The following DMD variants were observed in gnomAD, a reference collection of about 807,000 sequenced individuals.
DMD encodes mutant dystrophin.
A neutral mutation model predicts 330.1 loss-of-function variants in DMD; 63 were observed. That is an observed-to-expected ratio of 0.19 (90% CI 0.16 to 0.24). The LOEUF is 0.24. Ranked by LOEUF, DMD falls within the 10% of genes least tolerant of loss-of-function variation. The probability of loss-of-function intolerance (pLI) is 1.00; values close to 1 mark genes in which losing one functional copy is unlikely to be tolerated. For missense variants in DMD, 3,344 were observed against 2,684.1 expected (o/e 1.25, Z -5.43); for synonymous variants, 1,223 against 959.8 (o/e 1.27, Z -5.07).
chrX:33,320,091 TCAGA>T (rs1352425729), intron 1 of DMD, among the ~76,000 whole-genome samples: 4 of 111,117 alleles, frequency 3.6e-5, no homozygotes, highest in Non-Finnish European at 5.7e-5. Context: ...ATAAAAGCAG[TCAGA>T]CAGGGCAATA....
intron 43 of DMD, among the ~76,000 whole-genome samples, chrX:32,269,539 G>A (rs1370541573): frequency 1.8e-5 from 2 of 111,324 alleles, no homozygotes; most frequent in Non-Finnish European, 3.8e-5. Context: ...TAAGGTTGCT[G>A]AAGACCCGTA....
chrX:33,215,663 A>AT (rs1435360989), upstream of DMD, among the ~76,000 whole-genome samples: 1 of 111,884 alleles, frequency 8.9e-6, no homozygotes, highest in Non-Finnish European at 1.9e-5. Flanking sequence ...GAGGTCTTAT[A>AT]TTTAAACCTT....
At chrX:31,368,349 G>A (rs761652728) in intron 60 of DMD, among the ~76,000 whole-genome samples, 23 of 111,837 alleles carry the variant, frequency 2.1e-4, no homozygotes, top group Admixed American at 1.4e-3. Context: ...TCTTTCCGAC[G>A]TTGTGTGAAG....
chrX:32,261,993 G>C (rs1270447523), intron 43 of DMD, among the ~76,000 whole-genome samples: 4 of 111,435 alleles, frequency 3.6e-5, no homozygotes, highest in Non-Finnish European at 7.6e-5. Flanking sequence ...AAATATTTTT[G>C]GGTAATTAGT....
chrX:32,539,959 TC>T (rs2048344155), intron 17 of DMD, among the ~76,000 whole-genome samples: 1 of 111,900 alleles, frequency 8.9e-6, no homozygotes, highest in African/African-American at 3.2e-5. Flanking sequence ...CTCTACATTA[TC>T]CTTGAGGACA....
intron 44 of DMD, among the ~76,000 whole-genome samples, chrX:32,200,571 C>G (rs780626523): frequency 1.8e-5 from 2 of 110,646 alleles, no homozygotes; most frequent in Non-Finnish European, 3.8e-5. Flanking sequence ...CATGTAACAT[C>G]AGTTACATAT....
chrX:32,872,528 C>G (rs1206804860), intron 2 of DMD, among the ~76,000 whole-genome samples: 3 of 111,834 alleles, frequency 2.7e-5, no homozygotes. Flanking sequence ...AGAAGATGAA[C>G]AACAAATAAG....
chrX:32,823,218 G>A, intron 5 of DMD, 77 bp downstream of exon 5: 1 of 831,606 alleles, frequency 1.2e-6, no homozygotes, highest in South Asian at 2.1e-5. Context: ...ATACACATTT[G>A]TTTCACACGT....
intron 47 of DMD, among the ~76,000 whole-genome samples, chrX:31,920,523 C>T (rs1231912091): frequency 1.8e-5 from 2 of 111,935 alleles, no homozygotes; most frequent in Admixed American, 1.9e-4. Context: ...ATTGCAGAAA[C>T]AAAAGGAAAG....
chrX:31,438,534 G>C (rs138409455), intron 60 of DMD, among the ~76,000 whole-genome samples: 3,480 of 111,683 alleles, frequency 0.031, 87 homozygotes, highest in African/African-American at 0.068. Flanking sequence ...TATTTATTTG[G>C]AGAATGGCCT....
intron 44 of DMD, among the ~76,000 whole-genome samples, chrX:32,213,943 TG>T (rs769539027): frequency 8.2e-5 from 9 of 109,793 alleles, no homozygotes; most frequent in Middle Eastern, 4.7e-3. Flanking sequence ...CACTCCAGCC[TG>T]GGTGACAAAA....
chrX:32,233,354 C>T lies in DMD; in HGVS notation c.6291-16291G>A, dbSNP rs185628210. Among the ~76,000 whole-genome samples, 67 of 110,779 alleles carry T rather than the reference C, an allele frequency of 6.0e-4. No homozygotes were observed. The Middle Eastern group carries it at 0.014, about 23-fold the overall frequency. On this transcript the variant is annotated intron_variant, in intron 43 of 78. Transcript: ENST00000357033. ...TTACTGGGGTGGGGAGCATATTTTT[C>T]AACCAGTGGCATGGAAGGAATGGCC...
intron 11 of DMD, among the ~76,000 whole-genome samples, chrX:32,635,208 G>A (rs1313112575): frequency 9.0e-6 from 1 of 111,611 alleles, no homozygotes; most frequent in African/African-American, 3.3e-5. Context: ...CCATGTGACT[G>A]CTGCCATGGA....
chrX:33,045,088 G>A (rs896480795), intron 1 of DMD, among the ~76,000 whole-genome samples: 2 of 110,500 alleles, frequency 1.8e-5, no homozygotes, highest in Non-Finnish European at 3.8e-5. Flanking sequence ...TTTTTACAAG[G>A]GAATGTGAGG....
intron 60 of DMD, among the ~76,000 whole-genome samples, chrX:31,378,637 G>A (rs1417299892): frequency 1.8e-5 from 2 of 109,215 alleles, no homozygotes; most frequent in Non-Finnish European, 3.8e-5. Context: ...CGCTTTTCTC[G>A]GGGGCAAGAA....
chrX:33,132,979 C>T (rs982042317), intron 1 of DMD, among the ~76,000 whole-genome samples: 5 of 111,812 alleles, frequency 4.5e-5, no homozygotes, highest in Middle Eastern at 8.3e-3. Context: ...ACTCACATTT[C>T]CCAAGGCTTT....
Position 32,483,146 on chromosome X carries a change from C to CATATATAT in DMD, c.2803+1765_2803+1772dup, listed in dbSNP as rs201134649. Among the ~76,000 whole-genome samples the CATATATAT allele has an allele frequency of 5.4e-3, 213 of 39,285 alleles. 14 individuals carry two copies. The highest frequency in any genetic ancestry group is 0.019 in the Admixed American group (55 of 2,856). The allele number at this position is 39,285 out of a possible 115,157, so 34.1% of individuals were successfully genotyped here. ...ATTTCATATGCTACATTTTTCATTC[C>CATATATAT]ATATATATATATATATATACACCAT... On this transcript the variant is annotated intron_variant, in intron 21 of 78. Transcript: ENST00000357033.
At chrX:32,480,233 A>G (rs2041706505) in intron 21 of DMD, among the ~76,000 whole-genome samples, 1 of 112,030 alleles carries the variant, frequency 8.9e-6, no homozygotes, top group African/African-American at 3.2e-5. Flanking sequence ...TTAAAATTAG[A>G]ACGGCTACTT....
At chrX:32,487,373 G>T (rs1261503391) in intron 20 of DMD, among the ~76,000 whole-genome samples, 1 of 110,869 alleles carries the variant, frequency 9.0e-6, no homozygotes, top group South Asian at 3.7e-4. Flanking sequence ...AATACTTGAG[G>T]GTTAGTTACT....
Sources: gnomAD v4.1 joint callset for allele counts (sites outside exome capture counted in the v4.1 genomes callset) on GRCh38, gnomAD v4.1.1 for gene constraint, MANE v1.5 for transcripts, NCBI Gene and HGNC (gene_info 2026-07-23, HGNC 2026-07-21) for gene names.